RNF17: variants seen among roughly 807,000 people sequenced by gnomAD.
The protein encoded by RNF17 is spermatogenesis associated 23.
Under a neutral mutation model 200.5 loss-of-function variants are expected in RNF17, and 31 were observed. That is an observed-to-expected ratio of 0.15 (90% CI 0.12 to 0.21). RNF17 has a LOEUF of 0.21. Ranked by LOEUF, RNF17 falls within the 10% of genes least tolerant of loss-of-function variation. The pLI is 1.00. For missense variants in RNF17, 1,628 were observed against 1,905.1 expected (o/e 0.85, Z 2.71); for synonymous variants, 606 against 637.8 (o/e 0.95, Z 0.75).
At position 24,832,046 on chromosome 13, in the gene RNF17, C is replaced by G. The variant is rs1331505338; in HGVS notation, c.2482+68C>G. 5.0e-5 allele frequency: 57 copies of G among 1,134,302 alleles called. No individual in the cohort carries two copies. In the East Asian group the frequency reaches 1.6e-3, roughly 31 times the overall value. 70.3% of individuals were successfully genotyped at this position (1,134,302 alleles called of 1,614,324 possible). On this transcript the variant is annotated intron_variant, in intron 18 of 35. Coordinates refer to ENST00000255324, the MANE Select transcript of RNF17 (RefSeq NM_031277.3). ...AAATAATAATATGAATAACATTTGT[C>G]AAATTTTAGAATAAATTCAGTGTGC...
intron 24 of RNF17, among the ~76,000 whole-genome samples, chr13:24,853,041 G>A (rs774657446): frequency 1.1e-4 from 17 of 152,170 alleles, no homozygotes; most frequent in Non-Finnish European, 2.4e-4. Context: ...AGCCTCCCAA[G>A]TAGCTGGGAT....
chr13:24,866,571 T>C (rs1201217239), intron 30 of RNF17, among the ~76,000 whole-genome samples: 3 of 152,242 alleles, frequency 2.0e-5, no homozygotes, highest in Non-Finnish European at 4.4e-5. Flanking sequence ...AGCATAACAT[T>C]TTCAAGGTTC....
intron 15 of RNF17, among the ~76,000 whole-genome samples, chr13:24,817,730 A>G (rs536595867): frequency 6.7e-6 from 1 of 149,248 alleles, no homozygotes; most frequent in African/African-American, 2.5e-5. Context: ...AAAAAAAAAA[A>G]TTTTTTTTTT....
intron 2 of RNF17, among the ~76,000 whole-genome samples, chr13:24,772,426 A>ATTTTTTTTTTTTTTTTTT (rs34066913): frequency 1.9e-5 from 2 of 106,020 alleles, no homozygotes; most frequent in Non-Finnish European, 3.8e-5. Flanking sequence ...TTGAGTCTCC[A>ATTTTTTTTTTTTTTTTTT]TTTTTTTTTT....
chr13:24,799,664 T>A (rs1751390336), intron 12 of RNF17, 80 bp downstream of exon 12: 2 of 843,776 alleles, frequency 2.4e-6, no homozygotes, highest in African/African-American at 3.4e-5. Context: ...TAAAGGAAAT[T>A]AGAGGTAGAG....
chr13:24,753,879 G>A, the RNF17 span, among the ~76,000 whole-genome samples: 34 of 152,122 alleles, frequency 2.2e-4, no homozygotes, highest in African/African-American at 6.5e-4. Flanking sequence ...AAAACTGGCC[G>A]GGCGTGGTGG....
intron 1 of RNF17, 49 bp from the exon 2 acceptor site, chr13:24,767,223 C>A: frequency 8.0e-7 from 1 of 1,249,926 alleles, no homozygotes; most frequent in South Asian, 1.3e-5. Context: ...GACCCTGTCT[C>A]AATAATCATC....
intron 27 of RNF17, among the ~76,000 whole-genome samples, chr13:24,862,490 G>C (rs544450833): frequency 1.2e-3 from 182 of 151,832 alleles, no homozygotes; most frequent in African/African-American, 4.1e-3. Context: ...CTCACCTCTG[G>C]CTGAACAGGT....
At chr13:24,772,735 C>T (rs1397324757) in intron 2 of RNF17, among the ~76,000 whole-genome samples, 22 of 151,882 alleles carry the variant, frequency 1.4e-4, no homozygotes, top group African/African-American at 2.9e-4. Flanking sequence ...CTCAGCCTCT[C>T]GAGCAGCTGG....
intron 7 of RNF17, 101 bp from the exon 8 acceptor site, chr13:24,789,247 A>G (rs1205171657): frequency 2.6e-6 from 2 of 778,918 alleles, no homozygotes; most frequent in South Asian, 1.9e-5. Flanking sequence ...TGCAATAATT[A>G]ATGAAATACC....
Position 24,789,686 on chromosome 13 carries a change from GT to G in RNF17, c.861-8del. 1 of 1,540,424 alleles carries G rather than the reference GT, an allele frequency of 6.5e-7. No individual in the cohort carries two copies. The highest frequency in any genetic ancestry group is 9.0e-7 in the Non-Finnish European group (1 of 1,114,896). On this transcript the variant is annotated splice_polypyrimidine_tract_variant and intron_variant, in intron 8 of 35. Transcript: ENST00000255324. Reference sequence around the variant, plus strand: ...TTAGAACATTTATGTATATGTTAATGTTTTATTATAGGTTGAGTGTGAATTG... The same window carrying G: ...TTAGAACATTTATGTATATGTTAATGTTTATTATAGGTTGAGTGTGAATTG...
At chr13:24,852,140 T>C (rs1176996151) in intron 24 of RNF17, among the ~76,000 whole-genome samples, 1 of 149,458 alleles carries the variant, frequency 6.7e-6, no homozygotes, top group Non-Finnish European at 1.5e-5. Context: ...CTCTCTCTTT[T>C]TTTTTTTTTT....
intron 18 of RNF17, among the ~76,000 whole-genome samples, chr13:24,836,545 C>T (rs917709126): frequency 9.9e-5 from 15 of 152,142 alleles, no homozygotes; most frequent in African/African-American, 1.4e-4. Context: ...GGATTGGGGG[C>T]CTATCTTCAG....
intron 6 of RNF17, among the ~76,000 whole-genome samples, chr13:24,785,447 C>T (rs1882978918): frequency 6.6e-6 from 1 of 152,118 alleles, no homozygotes; most frequent in Non-Finnish European, 1.5e-5. Context: ...GGATTTCAAT[C>T]TTTAAGTTTA....
At chr13:24,885,292 C>G in the RNF17 span, 8 of 1,606,586 alleles carry the variant, frequency 5.0e-6, no homozygotes, top group Admixed American at 1.7e-5. Flanking sequence ...ATCAGGATGA[C>G]TGATTTCTCC....
At chr13:24,885,846 C>T in the RNF17 span, 1 of 605,130 alleles carries the variant, frequency 1.7e-6, no homozygotes, top group Non-Finnish European at 3.0e-6. Flanking sequence ...GTACTTAAGT[C>T]CTAGATGTCC....
At chr13:24,835,350 C>G (rs1404065964) in intron 18 of RNF17, among the ~76,000 whole-genome samples, 1 of 152,172 alleles carries the variant, frequency 6.6e-6, no homozygotes, top group Non-Finnish European at 1.5e-5. Context: ...ATTACCACCT[C>G]TGGCAGGAGG....
intron 22 of RNF17, among the ~76,000 whole-genome samples, chr13:24,846,325 T>C (rs1397500238): frequency 6.6e-6 from 1 of 152,210 alleles, no homozygotes; most frequent in Non-Finnish European, 1.5e-5. Context: ...TTTAAAAAAC[T>C]AGTAAATTCC....
At chr13:24,865,112 A>G in intron 29 of RNF17, 114 bp downstream of exon 29, 2 of 764,814 alleles carry the variant, frequency 2.6e-6, no homozygotes, top group East Asian at 5.8e-5. Context: ...ATCTATTAAG[A>G]GAGTCTAGAG....
Sources: gnomAD v4.1 joint callset for allele counts (sites outside exome capture counted in the v4.1 genomes callset) on GRCh38, gnomAD v4.1.1 for gene constraint, MANE v1.5 for transcripts, NCBI Gene and HGNC (gene_info 2026-07-23, HGNC 2026-07-21) for gene names.